GLT1D1: variants seen among roughly 807,000 people sequenced by gnomAD.
GLT1D1 encodes the protein glycosyltransferase 1 domain containing 1, also known as glycosyltransferase 1 domain-containing protein 1.
Under a neutral mutation model 28.7 loss-of-function variants are expected in GLT1D1, and 21 were observed. The ratio of observed to expected loss-of-function variants is 0.73; its 90% CI spans 0.52 to 1.05. The LOEUF is 1.05. Ranked by LOEUF, GLT1D1 falls within the 50% of genes least tolerant of loss-of-function variation. The pLI is 0.00. For synonymous variants in GLT1D1, 147 were observed against 124.8 expected (o/e 1.18, Z -1.19); for missense variants, 343 against 330.6 (o/e 1.04, Z -0.29).
At chr12:128,945,941 A>G (rs547426277) in intron 5 of GLT1D1, among the ~76,000 whole-genome samples, 1 of 152,312 alleles carries the variant, frequency 6.6e-6, no homozygotes, top group Non-Finnish European at 1.5e-5. Flanking sequence ...GATGGGAATG[A>G]GCAGACCAGA....
At position 128,876,429 on chromosome 12, in the gene GLT1D1, C is replaced by T. The variant is rs183304509; in HGVS notation, c.217+367C>T. On this transcript the variant is annotated intron_variant, in intron 2 of 7. Transcript: ENST00000281703. ...GCTCAAGCAATCCTCCCACTTCAGC[C>T]TCCCAAGTAGCTGGAACTATGGGTG... 1.6e-4 allele frequency among the ~76,000 whole-genome samples: 24 copies of T among 152,248 alleles called. No individual in the cohort carries two copies. In the East Asian group the frequency reaches 4.6e-3, roughly 29 times the overall value.
intron 2 of GLT1D1, among the ~76,000 whole-genome samples, chr12:128,882,418 AG>A (rs1957080766): frequency 6.6e-6 from 1 of 151,368 alleles, no homozygotes. Flanking sequence ...CTGGGATTAT[AG>A]GCGCCCACCA....
At chr12:128,864,801 G>A (rs1022066029) in intron 1 of GLT1D1, among the ~76,000 whole-genome samples, 2 of 152,128 alleles carry the variant, frequency 1.3e-5, no homozygotes, top group Admixed American at 1.3e-4. Context: ...TGGAGAAGGA[G>A]TGTGGCCTCT....
At chr12:128,955,444 T>C (rs1043821736) in intron 6 of GLT1D1, among the ~76,000 whole-genome samples, 3 of 152,146 alleles carry the variant, frequency 2.0e-5, no homozygotes, top group Non-Finnish European at 4.4e-5. Flanking sequence ...GACATGAGCA[T>C]GCCTGAGAAA....
rs1593226915 is a variant in GLT1D1, at chr12:128,983,387, G to T, written c.*297G>T. On this transcript the variant is annotated 3_prime_UTR_variant, in exon 8 of 8. Transcript: ENST00000281703. This position sits in a 1 kb window ranked among gnomAD's most constrained non-coding sequence, Gnocchi z 4.7. ...TTTCAGGGAATTTGGGAGAGAATTTGATTACCTGCCTTAGGGCTTTGGTGT... is the reference window on the plus strand; with the variant it reads ...TTTCAGGGAATTTGGGAGAGAATTTTATTACCTGCCTTAGGGCTTTGGTGT... 2 of 351,058 alleles carry T rather than the reference G, an allele frequency of 5.7e-6. No homozygotes were observed. Among genetic ancestry groups the T allele is most frequent in the South Asian group, 5.1e-5 (1 of 19,600 alleles). 21.7% of individuals were successfully genotyped at this position (351,058 alleles called of 1,614,324 possible).
chr12:128,922,216 G>T (rs1369660465), intron 4 of GLT1D1, among the ~76,000 whole-genome samples: 1 of 151,666 alleles, frequency 6.6e-6, no homozygotes, highest in African/African-American at 2.4e-5. Context: ...TATGTGTGCT[G>T]GGCTAAGGCT....
intron 3 of GLT1D1, among the ~76,000 whole-genome samples, chr12:128,898,988 T>A (rs11060003): frequency 0.071 from 10,842 of 152,276 alleles, 434 homozygotes; most frequent in Middle Eastern, 0.12. Context: ...CTCTCTGAAC[T>A]TGCGTGGAAG....
intron 4 of GLT1D1, among the ~76,000 whole-genome samples, chr12:128,938,687 A>C (rs1874813445): frequency 6.6e-6 from 1 of 152,232 alleles, no homozygotes; most frequent in Non-Finnish European, 1.5e-5. Flanking sequence ...AGTGTAAATG[A>C]GAATAGAAAT....
At chr12:128,927,460 C>T (rs565414699) in intron 4 of GLT1D1, among the ~76,000 whole-genome samples, 1 of 149,350 alleles carries the variant, frequency 6.7e-6, no homozygotes, top group Non-Finnish European at 1.5e-5. Flanking sequence ...GGATGGTCTC[C>T]ATCTCCTGAC....
At chr12:128,889,008 G>A (rs1265700603) in intron 3 of GLT1D1, among the ~76,000 whole-genome samples, 1 of 152,186 alleles carries the variant, frequency 6.6e-6, no homozygotes, top group African/African-American at 2.4e-5. Context: ...GCCAGGCATA[G>A]TGAGGCACGC....
At position 128,906,827 on chromosome 12, in the gene GLT1D1, C is replaced by T. The variant is rs184093582; in HGVS notation, c.375+7540C>T. The T allele has an allele frequency of 2.4e-4, 158 of 659,306 alleles. 1 individual carries two copies. The East Asian group carries it at 3.4e-3, about 14-fold the overall frequency. The allele number at this position is 659,306 out of a possible 1,614,324, so 40.8% of individuals were successfully genotyped here. A position where few individuals can be genotyped will look rare whatever the true frequency, so the allele number is the denominator to read the frequency against. On this transcript the variant is annotated intron_variant, in intron 4 of 7. Coordinates refer to ENST00000281703, the MANE Select transcript of GLT1D1 (RefSeq NM_144669.3). ...AAAGAAAAGTAACTTCTTCAAGTTG[C>T]TGTGTTAGGCAAAACCTAAAGTGTA...
intron 7 of GLT1D1, among the ~76,000 whole-genome samples, chr12:128,958,621 A>T (rs1406932933): frequency 1.4e-5 from 2 of 145,734 alleles, no homozygotes; most frequent in African/African-American, 5.1e-5. Flanking sequence ...GGAATGGTGC[A>T]TGCCTGTAAT....
At chr12:128,944,273 G>T in intron 4 of GLT1D1, 1 of 619,766 alleles carries the variant, frequency 1.6e-6, no homozygotes, top group South Asian at 1.5e-5. Flanking sequence ...TCTCCTTATA[G>T]AGTAACTGAA....
At position 128,983,143 on chromosome 12, in the gene GLT1D1, C is replaced by T. The variant is rs1415555734; in HGVS notation, c.*53C>T. On this transcript the variant is annotated 3_prime_UTR_variant, in exon 8 of 8. Coordinates refer to ENST00000281703, the MANE Select transcript of GLT1D1 (RefSeq NM_144669.3). This position sits in a 1 kb window ranked among gnomAD's most constrained non-coding sequence, Gnocchi z 4.7. ...TCTGACACACAGCTCTGGGTGCACA[C>T]TCAGAGACAGAGTTCTGGATCACGT... The T allele has an allele frequency of 4.4e-5, 68 of 1,534,010 alleles. No homozygotes were observed. Among genetic ancestry groups the T allele is most frequent in the Non-Finnish European group, 5.9e-5 (66 of 1,113,860 alleles).
chr12:128,940,725 A>G (rs2135478763), intron 4 of GLT1D1, among the ~76,000 whole-genome samples: 1 of 152,344 alleles, frequency 6.6e-6, no homozygotes, highest in Non-Finnish European at 1.5e-5. Flanking sequence ...GATGCAAAGC[A>G]GGAGTCAAGT....
chr12:128,867,416 A>C (rs1246925100), intron 1 of GLT1D1, among the ~76,000 whole-genome samples: 17 of 129,514 alleles, frequency 1.3e-4, no homozygotes, highest in Admixed American at 3.1e-4. Flanking sequence ...AAAAAAAAAA[A>C]CAGAAAAAAA....
At chr12:128,960,607 A>C (rs573004542) in intron 7 of GLT1D1, among the ~76,000 whole-genome samples, 1 of 152,108 alleles carries the variant, frequency 6.6e-6, no homozygotes, top group East Asian at 1.9e-4. Context: ...AAATATGAAA[A>C]TGAGCCAGGT....
chr12:128,885,459 G>A (rs1957155081), intron 2 of GLT1D1, among the ~76,000 whole-genome samples: 1 of 152,204 alleles, frequency 6.6e-6, no homozygotes, highest in South Asian at 2.1e-4. Context: ...CATACCTCAA[G>A]TGATCCACCC....
In GLT1D1 at chr12:128,929,015, G is replaced by A. The variant is rs183172560; in HGVS notation, c.376-16311G>A. ...GTTGAAACCTGTTCCCCAGTGTGAG[G>A]GTATTAGGAGGTGGGGCCTTTGGGG... On this transcript the variant is annotated intron_variant, in intron 4 of 7. Coordinates refer to ENST00000281703, the MANE Select transcript of GLT1D1 (RefSeq NM_144669.3). Among the ~76,000 whole-genome samples, 120 of 152,238 alleles carry A rather than the reference G, an allele frequency of 7.9e-4. 1 individual carries two copies. The highest frequency in any genetic ancestry group is 2.7e-3 in the African/African-American group (112 of 41,564).
Sources: gnomAD v4.1 joint callset for allele counts (sites outside exome capture counted in the v4.1 genomes callset) on GRCh38, gnomAD v4.1.1 for gene constraint, Gnocchi (gnomAD v3.1) non-coding constraint, MANE v1.5 for transcripts, NCBI Gene and HGNC (gene_info 2026-07-23, HGNC 2026-07-21) for gene names.